DOCK4: variants seen among roughly 807,000 people sequenced by gnomAD.
DOCK4 encodes dedicator of cytokinesis 4.
A neutral mutation model predicts 268.1 loss-of-function variants in DOCK4; 97 were observed. That is an observed-to-expected ratio of 0.36 (90% confidence interval 0.31 to 0.43). The LOEUF (loss-of-function observed/expected upper bound fraction) is 0.43. Among genes scored for constraint, DOCK4 ranks in the 20% least tolerant of loss-of-function variants. The probability of loss-of-function intolerance (pLI) is 1.00; values close to 1 mark genes in which losing one functional copy is unlikely to be tolerated. For missense variants in DOCK4, 2,145 were observed against 2,455.7 expected (o/e 0.87, Z 2.67); for synonymous variants, 954 against 887.2 (o/e 1.08, Z -1.34).
intron 13 of DOCK4, among the ~76,000 whole-genome samples, chr7:111,911,583 G>A (rs1030417409): frequency 6.6e-6 from 1 of 152,108 alleles, no homozygotes; most frequent in Non-Finnish European, 1.5e-5. Context: ...TGTAGACTTC[G>A]CATTACAAGG....
At chr7:111,738,507 T>A (rs963290378) in intron 49 of DOCK4, among the ~76,000 whole-genome samples, 1 of 152,236 alleles carries the variant, frequency 6.6e-6, no homozygotes, top group Non-Finnish European at 1.5e-5. Context: ...ACACAGGGCA[T>A]GCAAACACAG....
chr7:111,738,702 C>A (rs965605524), intron 49 of DOCK4, among the ~76,000 whole-genome samples: 4 of 152,200 alleles, frequency 2.6e-5, no homozygotes, highest in Non-Finnish European at 1.5e-5. Context: ...CTTTGGGAGG[C>A]CAAGGCAGGT....
intron 6 of DOCK4, among the ~76,000 whole-genome samples, chr7:111,985,907 T>C (rs1799016471): frequency 6.6e-6 from 1 of 152,214 alleles, no homozygotes; most frequent in Non-Finnish European, 1.5e-5. Context: ...TGACACTGGG[T>C]CAATATTGCT....
intron 30 of DOCK4, among the ~76,000 whole-genome samples, chr7:111,805,579 A>C (rs1278059452): frequency 3.9e-5 from 6 of 152,214 alleles, no homozygotes; most frequent in Non-Finnish European, 8.8e-5. Context: ...CAGGTTGCTA[A>C]GGGATATAAT....
chr7:111,901,596 A>G, intron 14 of DOCK4, 81 bp downstream of exon 14: 1 of 1,371,326 alleles, frequency 7.3e-7, no homozygotes, highest in Non-Finnish European at 1.0e-6. Context: ...CGTAAATCAG[A>G]AAATAACTGA....
intron 1 of DOCK4, among the ~76,000 whole-genome samples, chr7:112,090,650 G>A (rs963511415): frequency 6.6e-6 from 1 of 152,126 alleles, no homozygotes; most frequent in South Asian, 2.1e-4. Context: ...TGAAAGATTA[G>A]ACAGATTATT....
At chr7:111,759,554 A>G (rs1356498548) in intron 40 of DOCK4, among the ~76,000 whole-genome samples, 4 of 152,148 alleles carry the variant, frequency 2.6e-5, no homozygotes, top group Non-Finnish European at 5.9e-5. Flanking sequence ...AGTGTTTTTT[A>G]AGACCATCAG....
At chr7:111,954,734 A>G (rs1796324470) in intron 8 of DOCK4, among the ~76,000 whole-genome samples, 2 of 152,144 alleles carry the variant, frequency 1.3e-5, no homozygotes, top group Admixed American at 1.3e-4. Flanking sequence ...CCGTCCTCAC[A>G]TGGGGCTGAT....
At chr7:111,776,772 T>C (rs1563488672) in intron 36 of DOCK4, among the ~76,000 whole-genome samples, 2 of 151,996 alleles carry the variant, frequency 1.3e-5, no homozygotes, top group African/African-American at 2.4e-5. Context: ...AAAGATAAAG[T>C]CCTGAAGACA....
chr7:112,173,899 G>A (rs970089356), intron 1 of DOCK4, among the ~76,000 whole-genome samples: 1 of 152,116 alleles, frequency 6.6e-6, no homozygotes, highest in Non-Finnish European at 1.5e-5. Flanking sequence ...CAACAGCAAG[G>A]CACTGACAGG....
chr7:111,915,636 T>C, intron 13 of DOCK4, 143 bp downstream of exon 13: 1 of 688,110 alleles, frequency 1.5e-6, no homozygotes, highest in South Asian at 2.7e-5. Context: ...AAAATGTGCT[T>C]ACTTACAGTC....
At chr7:112,070,204 T>C (rs569695033) in intron 1 of DOCK4, among the ~76,000 whole-genome samples, 1 of 152,242 alleles carries the variant, frequency 6.6e-6, no homozygotes, top group Admixed American at 6.5e-5. Context: ...ACAACAGAGT[T>C]AAATAGGAGA....
At chr7:111,793,431 A>G (rs1799686338) in intron 30 of DOCK4, among the ~76,000 whole-genome samples, 1 of 152,260 alleles carries the variant, frequency 6.6e-6, no homozygotes, top group African/African-American at 2.4e-5. Flanking sequence ...GAGACAAAGC[A>G]GTAGTGCTTA....
intron 1 of DOCK4, among the ~76,000 whole-genome samples, chr7:112,034,562 T>G (rs575313812): frequency 6.6e-6 from 1 of 152,176 alleles, no homozygotes; most frequent in Non-Finnish European, 1.5e-5. Context: ...TGGAGTCAAG[T>G]TGAACCACGC....
intron 1 of DOCK4, among the ~76,000 whole-genome samples, chr7:112,135,444 C>CTG (rs1209497450): frequency 6.6e-6 from 1 of 152,058 alleles, no homozygotes; most frequent in Non-Finnish European, 1.5e-5. Flanking sequence ...AATGGAAAGA[C>CTG]TACATAAGAC....
intron 1 of DOCK4, among the ~76,000 whole-genome samples, chr7:112,099,616 T>C (rs2135803256): frequency 6.6e-6 from 1 of 152,306 alleles, no homozygotes; most frequent in East Asian, 1.9e-4. Context: ...ATAAGTTGAT[T>C]GACTGAATTC....
intron 8 of DOCK4, chr7:111,971,473 C>A: frequency 4.6e-6 from 1 of 217,586 alleles, no homozygotes; most frequent in South Asian, 6.7e-5. Flanking sequence ...CTTGATAATG[C>A]AGTGAGGGAT....
At chr7:112,102,083 C>T (rs1810751461) in intron 1 of DOCK4, among the ~76,000 whole-genome samples, 1 of 152,080 alleles carries the variant, frequency 6.6e-6, no homozygotes, top group Admixed American at 6.6e-5. Context: ...ATTCACATTC[C>T]CCCTTTCCCC....
chr7:111,953,383 G>C (rs1796209425), intron 8 of DOCK4, among the ~76,000 whole-genome samples: 1 of 152,086 alleles, frequency 6.6e-6, no homozygotes, highest in Non-Finnish European at 1.5e-5. Context: ...GCTGACCCTA[G>C]AGCCTCTCCC....
Sources: allele counts gnomAD v4.1 joint callset (sites outside exome capture counted in the v4.1 genomes callset), GRCh38; gene constraint gnomAD v4.1.1; transcripts MANE v1.5; gene names NCBI Gene and HGNC (gene_info 2026-07-23, HGNC 2026-07-21).